The following MSRA variants were observed in gnomAD, a reference collection of about 807,000 sequenced individuals.
MSRA encodes the protein methionine sulfoxide reductase A, also known as mitochondrial peptide methionine sulfoxide reductase.
MSRA carries 54 observed loss-of-function variants against 31.3 expected under a neutral mutation model. That is an observed-to-expected ratio of 1.73 (90% CI 1.39 to 2.17). MSRA has a LOEUF of 2.17. Among genes scored for constraint, MSRA ranks in the 30% most tolerant of loss-of-function variants. MSRA has a pLI of 0.00. For synonymous variants in MSRA, 169 were observed against 116.5 expected (o/e 1.45, Z -2.90); for missense variants, 507 against 300.9 (o/e 1.69, Z -5.07).
intron 1 of MSRA, among the ~76,000 whole-genome samples, chr8:10,191,259 G>C (rs1385428656): frequency 6.6e-6 from 1 of 152,048 alleles, no homozygotes; most frequent in East Asian, 1.9e-4. Flanking sequence ...CTTCTGTCTA[G>C]TCAGAGAAAA....
At chr8:10,228,982 A>T (rs1291397295) in intron 2 of MSRA, among the ~76,000 whole-genome samples, 1 of 152,170 alleles carries the variant, frequency 6.6e-6, no homozygotes, top group Non-Finnish European at 1.5e-5. Flanking sequence ...GTAATGTCAC[A>T]GTTAAAGTTG....
chr8:10,278,158 G>A (rs1212010501), intron 3 of MSRA, among the ~76,000 whole-genome samples: 1 of 152,164 alleles, frequency 6.6e-6, no homozygotes, highest in African/African-American at 2.4e-5. Flanking sequence ...CTTCTGGACT[G>A]AGAAGAGCCT....
intron 1 of MSRA, among the ~76,000 whole-genome samples, chr8:10,062,184 TC>T (rs1298669654): frequency 2.0e-5 from 3 of 152,176 alleles, no homozygotes; most frequent in Non-Finnish European, 4.4e-5. Context: ...CAGCGTGCCA[TC>T]AATCATCCGT....
At chr8:10,109,722 T>G (rs1437633347) in intron 1 of MSRA, among the ~76,000 whole-genome samples, 1 of 152,236 alleles carries the variant, frequency 6.6e-6, no homozygotes, top group African/African-American at 2.4e-5. Context: ...AAACTTTATT[T>G]CTGATAGTAG....
intron 4 of MSRA, 77 bp downstream of exon 4, chr8:10,301,715 A>G: frequency 1.7e-6 from 2 of 1,173,400 alleles, no homozygotes; most frequent in Non-Finnish European, 2.5e-6. Flanking sequence ...GCTGCATGGA[A>G]GAGATGAACC....
intron 1 of MSRA, among the ~76,000 whole-genome samples, chr8:10,061,511 T>C (rs1259148672): frequency 6.6e-6 from 1 of 152,102 alleles, no homozygotes; most frequent in Non-Finnish European, 1.5e-5. Context: ...TAATTAGATG[T>C]CTTATTGCAC....
chr8:10,080,901 C>T (rs1563410213), intron 1 of MSRA, among the ~76,000 whole-genome samples: 1 of 152,278 alleles, frequency 6.6e-6, no homozygotes, highest in East Asian at 1.9e-4. Flanking sequence ...ACTAGTGTTT[C>T]TTAATTACCA....
chr8:10,276,904 G>C (rs1316738021), intron 3 of MSRA, among the ~76,000 whole-genome samples: 1 of 152,062 alleles, frequency 6.6e-6, no homozygotes, highest in Non-Finnish European at 1.5e-5. Flanking sequence ...CATCTGAATT[G>C]TGTCAGCTGG....
chr8:10,402,300 C>G (rs527465533), intron 5 of MSRA, among the ~76,000 whole-genome samples: 1 of 152,366 alleles, frequency 6.6e-6, no homozygotes, highest in East Asian at 1.9e-4. Context: ...TGGAGGGACC[C>G]TGGCCTCCTA....
Position 10,054,449 on chromosome 8 carries a change from C to G in MSRA, c.-68C>G. 1 of 1,490,902 alleles carries G rather than the reference C, an allele frequency of 6.7e-7. No individual in the cohort carries two copies. Among genetic ancestry groups the G allele is most frequent in the Non-Finnish European group, 9.0e-7 (1 of 1,115,796 alleles). 92.4% of individuals were successfully genotyped at this position (1,490,902 alleles called of 1,614,324 possible). On this transcript the variant is annotated 5_prime_UTR_variant, in exon 1 of 6. Coordinates refer to ENST00000317173, the MANE Select transcript of MSRA (RefSeq NM_012331.5). ...TCCGGCCGCGGACCCCACTCTCTGCCGTTCCGGCTGCGGCTCCGCTGCCGG... is the reference window on the plus strand; with the variant it reads ...TCCGGCCGCGGACCCCACTCTCTGCGGTTCCGGCTGCGGCTCCGCTGCCGG...
intron 1 of MSRA, among the ~76,000 whole-genome samples, chr8:10,132,632 C>G (rs1357812860): frequency 6.6e-6 from 1 of 152,156 alleles, no homozygotes; most frequent in African/African-American, 2.4e-5. Context: ...GCAGGCTGTC[C>G]TATAAGGGCA....
intron 1 of MSRA, among the ~76,000 whole-genome samples, chr8:10,094,515 A>G (rs1295252155): frequency 2.6e-5 from 4 of 152,260 alleles, no homozygotes; most frequent in African/African-American, 9.6e-5. Flanking sequence ...ACTGATTTTC[A>G]TAAGTGGTAA....
chr8:10,072,849 T>G (rs1269437191), intron 1 of MSRA, among the ~76,000 whole-genome samples: 1 of 152,220 alleles, frequency 6.6e-6, no homozygotes, highest in Non-Finnish European at 1.5e-5. Context: ...GCTTTTCATT[T>G]TCTTTGGAGT....
intron 5 of MSRA, among the ~76,000 whole-genome samples, chr8:10,396,441 C>G (rs1295571479): frequency 6.6e-6 from 1 of 152,098 alleles, no homozygotes; most frequent in African/African-American, 2.4e-5. Flanking sequence ...GGGAAGAAAA[C>G]CAGAGAAATG....
intron 1 of MSRA, among the ~76,000 whole-genome samples, chr8:10,113,609 G>A (rs17151108): frequency 0.23 from 35,090 of 151,484 alleles, 4,413 homozygotes; most frequent in East Asian, 0.4. Context: ...ATGGGTACTG[G>A]CCATTAAGAA....
chr8:10,060,281 AAG>A lies in MSRA; in HGVS notation c.142+5625_142+5626del, dbSNP rs577543472. ...TCACAATGGATATGCAGCTGTAAAA[AAG>A]AATGTGGAACATCTGTGTGAATGGG... On this transcript the variant is annotated intron_variant, in intron 1 of 5. Coordinates refer to ENST00000317173, the MANE Select transcript of MSRA (RefSeq NM_012331.5). Among the ~76,000 whole-genome samples the A allele has an allele frequency of 2.1e-3, 323 of 152,324 alleles. 1 individual carries two copies. The highest frequency in any genetic ancestry group is 7.4e-3 in the African/African-American group (308 of 41,558).
At chr8:10,104,860 A>C (rs547604221) in intron 1 of MSRA, among the ~76,000 whole-genome samples, 7 of 152,280 alleles carry the variant, frequency 4.6e-5, no homozygotes, top group African/African-American at 1.7e-4. Flanking sequence ...AGAGGGGCTT[A>C]GAATTTTATT....
At chr8:10,420,521 A>G (rs555567551) in intron 5 of MSRA, among the ~76,000 whole-genome samples, 2 of 152,262 alleles carry the variant, frequency 1.3e-5, no homozygotes, top group African/African-American at 4.8e-5. Context: ...CTGAGGCTGA[A>G]TAGTCTTAGG....
chr8:10,110,591 T>A (rs1800207595), intron 1 of MSRA, among the ~76,000 whole-genome samples: 1 of 152,262 alleles, frequency 6.6e-6, no homozygotes, highest in Non-Finnish European at 1.5e-5. Flanking sequence ...CTCTCATATT[T>A]GGAGGATGAG....
Sources: gnomAD v4.1 joint callset for allele counts (sites outside exome capture counted in the v4.1 genomes callset) on GRCh38, gnomAD v4.1.1 for gene constraint, MANE v1.5 for transcripts, NCBI Gene and HGNC (gene_info 2026-07-23, HGNC 2026-07-21) for gene names.